ABTB3: variants seen among roughly 807,000 people sequenced by gnomAD.
ABTB3 encodes the protein ankyrin repeat and BTB domain containing 3.
At chr12:107,635,017 C>T in the ABTB3 span, 2 of 316,302 alleles carry the variant, frequency 6.3e-6, no homozygotes, top group Non-Finnish European at 1.1e-5. Context: ...ACCTGCTTTC[C>T]AGTAGGTAGC....
At chr12:107,476,198 C>T in the ABTB3 span, among the ~76,000 whole-genome samples, 2 of 152,152 alleles carry the variant, frequency 1.3e-5, no homozygotes, top group Admixed American at 1.3e-4. Flanking sequence ...CCTTGTCTGC[C>T]CCTCCTGATG....
chr12:107,512,703 C>T, the ABTB3 span, among the ~76,000 whole-genome samples: 2 of 152,146 alleles, frequency 1.3e-5, no homozygotes, highest in Non-Finnish European at 2.9e-5. Flanking sequence ...CAATTCCTAG[C>T]CCCATTTTTA....
At chr12:107,646,652 G>C in the ABTB3 span, among the ~76,000 whole-genome samples, 1 of 152,200 alleles carries the variant, frequency 6.6e-6, no homozygotes, top group Non-Finnish European at 1.5e-5. Flanking sequence ...AAGCCGGTAT[G>C]TGGGAGACTC....
chr12:107,587,122 G>T, the ABTB3 span, among the ~76,000 whole-genome samples: 1 of 152,358 alleles, frequency 6.6e-6, no homozygotes, highest in South Asian at 2.1e-4. Flanking sequence ...CCCACTGTGG[G>T]CTGGGCCCTG....
the ABTB3 span, among the ~76,000 whole-genome samples, chr12:107,644,889 A>C: frequency 6.6e-6 from 1 of 151,422 alleles, no homozygotes; most frequent in African/African-American, 2.4e-5. Flanking sequence ...CTCCAGCTCC[A>C]TCCATGTTGC....
chr12:107,531,604 C>T, the ABTB3 span, among the ~76,000 whole-genome samples: 1 of 152,076 alleles, frequency 6.6e-6, no homozygotes, highest in Admixed American at 6.5e-5. Flanking sequence ...AGAAATGGAA[C>T]ACCTGCAATG....
chr12:107,390,411 CCTAT>C, the ABTB3 span, among the ~76,000 whole-genome samples: 4 of 152,226 alleles, frequency 2.6e-5, no homozygotes, highest in Non-Finnish European at 4.4e-5. Context: ...GATTCCAAAG[CCTAT>C]GCTGTTTCCT....
the ABTB3 span, among the ~76,000 whole-genome samples, chr12:107,349,198 C>T: frequency 1.3e-5 from 2 of 152,186 alleles, no homozygotes; most frequent in Non-Finnish European, 2.9e-5. Flanking sequence ...CCTGTTCTGT[C>T]CTGACGCCTC....
At chr12:107,458,623 T>G in the ABTB3 span, among the ~76,000 whole-genome samples, 1 of 152,094 alleles carries the variant, frequency 6.6e-6, no homozygotes, top group Non-Finnish European at 1.5e-5. Flanking sequence ...AATGGCCAAG[T>G]GTCTTGCTGG....
chr12:107,629,047 G>A, the ABTB3 span, among the ~76,000 whole-genome samples: 1 of 152,194 alleles, frequency 6.6e-6, no homozygotes, highest in South Asian at 2.1e-4. Flanking sequence ...TGGAGTCAAA[G>A]GAGAAGAGGA....
chr12:107,639,670 T>G, the ABTB3 span, among the ~76,000 whole-genome samples: 3 of 152,172 alleles, frequency 2.0e-5, no homozygotes, highest in African/African-American at 7.2e-5. Context: ...TCCTAGTGTT[T>G]AACAAAGCAG....
the ABTB3 span, among the ~76,000 whole-genome samples, chr12:107,443,660 C>G: frequency 6.6e-6 from 1 of 152,170 alleles, no homozygotes; most frequent in Admixed American, 6.5e-5. Flanking sequence ...TTGGAAAGAA[C>G]TTTGGCTTTT....
At chr12:107,582,431 C>T in the ABTB3 span, among the ~76,000 whole-genome samples, 3 of 152,290 alleles carry the variant, frequency 2.0e-5, no homozygotes, top group South Asian at 2.1e-4. Flanking sequence ...GTCCAGAGCC[C>T]TGGGATCATA....
At chr12:107,450,143 T>G in the ABTB3 span, among the ~76,000 whole-genome samples, 952 of 152,266 alleles carry the variant, frequency 6.3e-3, 5 homozygotes, top group Middle Eastern at 0.037. Flanking sequence ...ATTTGAGGCA[T>G]TTCTTGGTGG....
At chr12:107,581,108 G>C in the ABTB3 span, 15 of 1,546,216 alleles carry the variant, frequency 9.7e-6, no homozygotes, top group East Asian at 2.4e-4. Context: ...CCTGCCTCCG[G>C]GGAGGCCCTA....
At chr12:107,366,360 A>T in the ABTB3 span, among the ~76,000 whole-genome samples, 1 of 152,200 alleles carries the variant, frequency 6.6e-6, no homozygotes, top group Non-Finnish European at 1.5e-5. Context: ...TAGAAGACTG[A>T]ACATGTTCCT....
At chr12:107,651,824 A>T in the ABTB3 span, 1 of 1,558,476 alleles carries the variant, frequency 6.4e-7, no homozygotes. Flanking sequence ...CGCACACAGG[A>T]GCGCTGAAGC....
chr12:107,583,794 G>A, the ABTB3 span, among the ~76,000 whole-genome samples: 2 of 152,206 alleles, frequency 1.3e-5, no homozygotes, highest in African/African-American at 2.4e-5. Flanking sequence ...TGATGTGCAC[G>A]CAGGCCAGAA....
chr12:107,608,968 T>A, the ABTB3 span, among the ~76,000 whole-genome samples: 4 of 101,854 alleles, frequency 3.9e-5, no homozygotes, highest in Non-Finnish European at 4.1e-5. Context: ...TAAAATAAAA[T>A]ATAAAATAAA....
Sources: allele counts gnomAD v4.1 joint callset (sites outside exome capture counted in the v4.1 genomes callset), GRCh38; gene constraint gnomAD v4.1.1; transcripts MANE v1.5; gene names NCBI Gene and HGNC (gene_info 2026-07-23, HGNC 2026-07-21).